Variants in CORIN observed in about 807,000 individuals in gnomAD.
CORIN encodes the protein atrial natriuretic peptide-converting enzyme.
A neutral mutation model predicts 125.3 loss-of-function variants in CORIN; 117 were observed. That is an observed-to-expected ratio of 0.93 (90% CI 0.80 to 1.09). CORIN has a LOEUF of 1.09. Among genes scored for constraint, CORIN ranks in the 50% least tolerant of loss-of-function variants. The probability of loss-of-function intolerance (pLI) is 0.00; values close to 1 mark genes in which losing one functional copy is unlikely to be tolerated. For missense variants in CORIN, 1,253 were observed against 1,306.7 expected, an observed-to-expected ratio of 0.96 and a Z score of 0.63; for synonymous variants, 450 against 466.4, an observed-to-expected ratio of 0.96 and a Z score of 0.45.
intron 16 of CORIN, among the ~76,000 whole-genome samples, chr4:47,627,576 C>A (rs951651252): frequency 2.6e-5 from 4 of 152,058 alleles, no homozygotes; most frequent in South Asian, 4.1e-4. Context: ...ATCAAAAAAA[C>A]CTCTTACAAA....
At chr4:47,719,426 C>CTA (rs1261645678) in intron 5 of CORIN, among the ~76,000 whole-genome samples, 3 of 152,194 alleles carry the variant, frequency 2.0e-5, no homozygotes, top group Non-Finnish European at 4.4e-5. Context: ...TAACCATCTG[C>CTA]TATATGAAGG....
At chr4:47,807,723 G>C (rs938285649) in intron 1 of CORIN, among the ~76,000 whole-genome samples, 2 of 152,168 alleles carry the variant, frequency 1.3e-5, no homozygotes, top group African/African-American at 4.8e-5. Flanking sequence ...TTCAGATAAA[G>C]TTCTTGTCTT....
chr4:47,704,276 G>T (rs369109101), intron 5 of CORIN, among the ~76,000 whole-genome samples: 2 of 152,040 alleles, frequency 1.3e-5, no homozygotes, highest in Admixed American at 6.5e-5. Flanking sequence ...TAATTAACTC[G>T]CATTCCAGAG....
In CORIN at chr4:47,786,695, GCCTCTAGCATGTATCA is replaced by G. The variant is rs1730830114; in HGVS notation, c.409+14_409+29del. 1 of 1,569,236 alleles carries G rather than the reference GCCTCTAGCATGTATCA, an allele frequency of 6.4e-7. No individual in the cohort carries two copies. The highest frequency in any genetic ancestry group is 8.8e-7 in the Non-Finnish European group (1 of 1,142,814). ...AAAACCTACCTGTGGGACATTAAAAGCCTCTAGCATGTATCACCTTTGGACTTACTTGTATTCCTGT... is the reference window on the plus strand; with the variant it reads ...AAAACCTACCTGTGGGACATTAAAAGCCTTTGGACTTACTTGTATTCCTGT... On this transcript the variant is annotated intron_variant, in intron 3 of 21. Coordinates refer to ENST00000273857, the MANE Select transcript of CORIN (RefSeq NM_006587.4).
Position 47,647,982 on chromosome 4 carries a change from C to T in CORIN, c.1844-2788G>A, listed in dbSNP as rs114121842. 2.9e-3 allele frequency among the ~76,000 whole-genome samples: 449 copies of T among 152,270 alleles called. 2 individuals are homozygous for T. The highest frequency in any genetic ancestry group is 0.01 in the African/African-American group (435 of 41,554). On this transcript the variant is annotated intron_variant, in intron 13 of 21. Coordinates refer to ENST00000273857, the MANE Select transcript of CORIN (RefSeq NM_006587.4). ...CATAAGCATTCACTTTTCACCTCTC[C>T]ATGTCTTCTCTTTTCTCATAAAAGT...
chr4:47,712,770 G>A (rs1726909323), intron 5 of CORIN, among the ~76,000 whole-genome samples: 1 of 152,178 alleles, frequency 6.6e-6, no homozygotes, highest in African/African-American at 2.4e-5. Context: ...AAAAATACAT[G>A]AGGTGTTAAA....
At chr4:47,805,148 A>AAAAATAATAATAAT (rs796469224) in intron 2 of CORIN, among the ~76,000 whole-genome samples, 113 of 129,150 alleles carry the variant, frequency 8.7e-4, no homozygotes, top group African/African-American at 3.1e-3. Context: ...AAAAAAAAAA[A>AAAAATAATAATAAT]AATAATAATA....
intron 10 of CORIN, among the ~76,000 whole-genome samples, chr4:47,669,843 A>G (rs1248506970): frequency 6.6e-6 from 1 of 152,166 alleles, no homozygotes; most frequent in African/African-American, 2.4e-5. Context: ...TGCTGGGATT[A>G]CAGGCGTGAG....
At position 47,677,989 on chromosome 4, in the gene CORIN, C is replaced by G; in HGVS notation, c.1198G>C (p.Asp400His). ...GQCIPSTFQC[D>H]GDEDCKDGSD... ...CCATCCTTGCAGTCCTCGTCACCAT[C>G]ACATTGAAACGTGCTGGGGATACAT... Residue 400 changes from aspartate (D) to histidine (H), a missense_variant, in exon 9 of 22, where the codon GAT becomes CAT. Physicochemically the swap from Asp to His is moderately conservative, Grantham distance 81. Transcript: ENST00000273857. 1 of 1,614,086 alleles carries G rather than the reference C, an allele frequency of 6.2e-7. No individual in the cohort carries two copies. Among genetic ancestry groups the G allele is most frequent in the Non-Finnish European group, 8.5e-7 (1 of 1,179,962 alleles).
At chr4:47,622,949 A>C (rs1722381092) in intron 19 of CORIN, among the ~76,000 whole-genome samples, 1 of 152,156 alleles carries the variant, frequency 6.6e-6, no homozygotes, top group Non-Finnish European at 1.5e-5. Flanking sequence ...AGTTCAATTA[A>C]GTTCATTTCC....
At chr4:47,786,414 G>A (rs368053848) in intron 3 of CORIN, among the ~76,000 whole-genome samples, 1 of 152,072 alleles carries the variant, frequency 6.6e-6, no homozygotes, top group Non-Finnish European at 1.5e-5. Context: ...GGTGGCGGGC[G>A]CCTGTAATCC....
intron 10 of CORIN, among the ~76,000 whole-genome samples, chr4:47,670,672 T>G (rs1724709836): frequency 6.6e-6 from 1 of 152,184 alleles, no homozygotes; most frequent in Admixed American, 6.5e-5. Flanking sequence ...ATGGTCAGCA[T>G]GGGCACAGGG....
At chr4:47,762,211 G>T (rs1187815416) in intron 4 of CORIN, among the ~76,000 whole-genome samples, 1 of 152,074 alleles carries the variant, frequency 6.6e-6, no homozygotes, top group Non-Finnish European at 1.5e-5. Context: ...GTGATGTGAT[G>T]TATTTGTTAA....
chr4:47,797,869 T>C (rs1465088973), intron 2 of CORIN, among the ~76,000 whole-genome samples: 1 of 152,140 alleles, frequency 6.6e-6, no homozygotes, highest in Non-Finnish European at 1.5e-5. Context: ...CTCCCATGTC[T>C]AGTAAATGGA....
intron 3 of CORIN, among the ~76,000 whole-genome samples, chr4:47,763,847 A>C (rs1729585067): frequency 6.6e-6 from 1 of 151,848 alleles, no homozygotes; most frequent in Non-Finnish European, 1.5e-5. Flanking sequence ...TAGTAGGCAT[A>C]TAAACTGGCA....
In CORIN at chr4:47,629,470, A is replaced by G. The variant is rs552638439; in HGVS notation, c.2199-2949T>C. Among the ~76,000 whole-genome samples the G allele has an allele frequency of 4.2e-4, 64 of 152,312 alleles. 1 individual carries two copies. In the South Asian group the frequency reaches 0.013, roughly 31 times the overall value. On this transcript the variant is annotated intron_variant, in intron 16 of 21. Transcript: ENST00000273857. ...CATTGGATATATGGTTTTTTTAAAT[A>G]ACTTTGAAAATTATAAAAGTAATAC...
chr4:47,756,069 C>G (rs1004207229), intron 4 of CORIN, among the ~76,000 whole-genome samples: 2 of 152,128 alleles, frequency 1.3e-5, no homozygotes, highest in African/African-American at 2.4e-5. Flanking sequence ...AATAAACAGA[C>G]AGGCAAAAGG....
intron 5 of CORIN, among the ~76,000 whole-genome samples, chr4:47,715,932 G>C (rs917189679): frequency 6.6e-6 from 1 of 152,196 alleles, no homozygotes; most frequent in Admixed American, 6.5e-5. Context: ...GAGGCTTTGA[G>C]AGAGTCTAAA....
chr4:47,665,009 T>G (rs779198884), intron 11 of CORIN, 23 bp downstream of exon 11: 1 of 1,525,140 alleles, frequency 6.6e-7, no homozygotes. Context: ...AATAAGGGAC[T>G]GGGGTAGATC....
Sources: allele counts gnomAD v4.1 joint callset (sites outside exome capture counted in the v4.1 genomes callset), GRCh38; gene constraint gnomAD v4.1.1; transcripts MANE v1.5; gene names NCBI Gene and HGNC (gene_info 2026-07-23, HGNC 2026-07-21).